Variants in FAM114A1 observed in about 807,000 individuals in gnomAD.
The protein encoded by FAM114A1 is protein NOXP20.
In FAM114A1, 62 loss-of-function variants were observed where a neutral mutation model predicts 64.3. That is an observed-to-expected ratio of 0.96 (90% CI 0.79 to 1.19). The LOEUF (loss-of-function observed/expected upper bound fraction) is 1.19. Ranked by LOEUF, FAM114A1 falls within the 50% of genes most tolerant of loss-of-function variation. The pLI is 0.00. For missense variants in FAM114A1, 645 were observed against 676.3 expected, an observed-to-expected ratio of 0.95 and a Z score of 0.51; for synonymous variants, 254 against 251.1, an observed-to-expected ratio of 1.01 and a Z score of -0.11.
rs550202204 is a variant in FAM114A1 at position 38,924,642 on chromosome 4, C to T, written c.1069+1749C>T. Among the ~76,000 whole-genome samples, 11 of 152,112 alleles carry T rather than the reference C, an allele frequency of 7.2e-5. No homozygotes were observed. The East Asian group carries it at 1.5e-3, about 21-fold the overall frequency. ...ATTATACTGAAGCATAGAAAGAGGC[C>T]GTATCAGAGACAGTTGGGAATCATG... On this transcript the variant is annotated intron_variant, in intron 9 of 14. Coordinates refer to ENST00000358869, the MANE Select transcript of FAM114A1 (RefSeq NM_138389.4).
chr4:38,929,681 G>A (rs1720472853), intron 10 of FAM114A1, among the ~76,000 whole-genome samples: 1 of 152,244 alleles, frequency 6.6e-6, no homozygotes, highest in Admixed American at 6.5e-5. Flanking sequence ...GGAGACTGAG[G>A]CAAGAGAATC....
intron 9 of FAM114A1, among the ~76,000 whole-genome samples, chr4:38,923,208 A>G (rs887932728): frequency 6.7e-6 from 1 of 149,902 alleles, no homozygotes; most frequent in African/African-American, 2.4e-5. Flanking sequence ...CCTGATGACT[A>G]GAGTTTATGC....
chr4:38,932,827 A>C (rs972929609), intron 12 of FAM114A1, among the ~76,000 whole-genome samples: 8 of 150,682 alleles, frequency 5.3e-5, no homozygotes, highest in African/African-American at 2.0e-4. Flanking sequence ...AACCAATTCC[A>C]TTGTTCTACG....
At chr4:38,937,800 T>G (rs1377118202) in intron 13 of FAM114A1, among the ~76,000 whole-genome samples, 1 of 152,166 alleles carries the variant, frequency 6.6e-6, no homozygotes, top group Middle Eastern at 3.2e-3. Context: ...AGTGGCGCGA[T>G]CTTGGCTCAC....
chr4:38,915,767 GT>G, intron 8 of FAM114A1, among the ~76,000 whole-genome samples: 1 of 150,044 alleles, frequency 6.7e-6, no homozygotes, highest in Non-Finnish European at 1.5e-5. Context: ...GTGTGTGTGT[GT>G]GTGTGTGTGT....
At chr4:38,886,004 G>C (rs1715761724) in intron 3 of FAM114A1, among the ~76,000 whole-genome samples, 3 of 152,100 alleles carry the variant, frequency 2.0e-5, no homozygotes, top group Admixed American at 2.0e-4. Flanking sequence ...GGTGAGCTTT[G>C]GATGCTACCG....
chr4:38,931,032 A>T (rs1316916429), intron 10 of FAM114A1, among the ~76,000 whole-genome samples: 1 of 152,208 alleles, frequency 6.6e-6, no homozygotes, highest in Admixed American at 6.5e-5. Context: ...AATATATCAG[A>T]TGAGGACATT....
At chr4:38,896,313 A>G (rs924189446) in intron 4 of FAM114A1, among the ~76,000 whole-genome samples, 7 of 152,188 alleles carry the variant, frequency 4.6e-5, no homozygotes, top group African/African-American at 1.7e-4. Flanking sequence ...CCCTGCCTAA[A>G]TTGCTCTTAC....
At chr4:38,872,979 A>G (rs934785582) in intron 2 of FAM114A1, among the ~76,000 whole-genome samples, 4 of 152,224 alleles carry the variant, frequency 2.6e-5, no homozygotes, top group African/African-American at 9.7e-5. Flanking sequence ...GGTTTTCACA[A>G]AGATTTTGTA....
intron 13 of FAM114A1, chr4:38,938,482 A>G (rs1721293616): frequency 6.6e-6 from 1 of 152,202 alleles, no homozygotes; most frequent in Non-Finnish European, 1.5e-5. Context: ...TCAGCAATAG[A>G]GCTTCACTGT....
chr4:38,920,469 C>G (rs1357579977), intron 8 of FAM114A1, among the ~76,000 whole-genome samples: 14 of 152,108 alleles, frequency 9.2e-5, no homozygotes, highest in Admixed American at 9.2e-4. Flanking sequence ...TGCACATGGC[C>G]TTGGCATAAT....
chr4:38,942,110 G>A (rs1159059701), intron 14 of FAM114A1, among the ~76,000 whole-genome samples: 1 of 152,118 alleles, frequency 6.6e-6, no homozygotes, highest in East Asian at 1.9e-4. Flanking sequence ...TACAAGAATA[G>A]CACGGGAAAG....
intron 4 of FAM114A1, among the ~76,000 whole-genome samples, chr4:38,901,356 T>C (rs1717502802): frequency 6.6e-6 from 1 of 152,086 alleles, no homozygotes; most frequent in Admixed American, 6.6e-5. Context: ...TGGTGCAAAC[T>C]CAGCTCGCTG....
In FAM114A1 at chr4:38,944,730, T is replaced by C. The variant is rs1370393606; in HGVS notation, c.*1173T>C. The C allele has an allele frequency of 7.9e-5, 12 of 152,162 alleles. No individual in the cohort carries two copies. Among genetic ancestry groups the C allele is most frequent in the Admixed American group, 7.9e-4 (12 of 15,280 alleles). The allele number at this position is 152,162 out of a possible 1,614,324, so 9.4% of individuals were successfully genotyped here. On this transcript the variant is annotated 3_prime_UTR_variant, in exon 15 of 15. Coordinates refer to ENST00000358869, the MANE Select transcript of FAM114A1 (RefSeq NM_138389.4). ...AACTGCACATGCGAGGGATCTAGGTTGTGCACTCCTTATGAGAATCTAATG... is the reference window on the plus strand; with the variant it reads ...AACTGCACATGCGAGGGATCTAGGTCGTGCACTCCTTATGAGAATCTAATG...
At chr4:38,917,311 C>T (rs945350672) in intron 8 of FAM114A1, among the ~76,000 whole-genome samples, 1 of 151,568 alleles carries the variant, frequency 6.6e-6, no homozygotes, top group South Asian at 2.1e-4. Flanking sequence ...GCGTTCTGGC[C>T]TGGGCGACAG....
chr4:38,900,338 G>GTC (rs1182114950), intron 4 of FAM114A1, among the ~76,000 whole-genome samples: 1 of 151,928 alleles, frequency 6.6e-6, no homozygotes, highest in Non-Finnish European at 1.5e-5. Context: ...CAGTACAACA[G>GTC]TTCCTCAAAA....
rs751527828 is a variant in FAM114A1, at chr4:38,922,749, C to T, written c.946-21C>T. 4 of 1,603,024 alleles carry T rather than the reference C, an allele frequency of 2.5e-6. No homozygotes were observed. In the South Asian group the frequency reaches 4.5e-5, roughly 18 times the overall value. On this transcript the variant is annotated intron_variant, in intron 8 of 14. Coordinates refer to ENST00000358869, the MANE Select transcript of FAM114A1 (RefSeq NM_138389.4). ...ACGAGAAGAAAAGATGACAGTCGTG[C>T]TGACCTATTTCTTTTTTCAGGTTCA...
intron 4 of FAM114A1, among the ~76,000 whole-genome samples, chr4:38,900,839 A>G (rs898353484): frequency 6.6e-6 from 1 of 151,992 alleles, no homozygotes; most frequent in Non-Finnish European, 1.5e-5. Context: ...AGTTCTGGAG[A>G]TGGATGGTGG....
At chr4:38,910,816 A>G (rs1373171758) in intron 7 of FAM114A1, among the ~76,000 whole-genome samples, 1 of 152,098 alleles carries the variant, frequency 6.6e-6, no homozygotes, top group Non-Finnish European at 1.5e-5. Context: ...GATGGAGAGG[A>G]GTGGGCTCCG....
Sources: allele counts gnomAD v4.1 joint callset (sites outside exome capture counted in the v4.1 genomes callset), GRCh38; gene constraint gnomAD v4.1.1; transcripts MANE v1.5; gene names NCBI Gene and HGNC (gene_info 2026-07-23, HGNC 2026-07-21).